DTNB: variants seen among roughly 807,000 people sequenced by gnomAD.
The protein encoded by DTNB is dystrobrevin beta, also known as DTN-B.
DTNB carries 63 observed loss-of-function variants against 90.7 expected under a neutral mutation model. That is an observed-to-expected ratio of 0.69 (90% confidence interval 0.57 to 0.86). The LOEUF is 0.86. Among genes scored for constraint, DTNB ranks in the 40% least tolerant of loss-of-function variants. The pLI is 0.00. For missense variants in DTNB, 744 were observed against 807.1 expected (o/e 0.92, Z 0.95); for synonymous variants, 277 against 286.7 (o/e 0.97, Z 0.34).
At chr2:25,575,661 A>T (rs1476968491) in intron 8 of DTNB, among the ~76,000 whole-genome samples, 1 of 152,218 alleles carries the variant, frequency 6.6e-6, no homozygotes, top group Non-Finnish European at 1.5e-5. Context: ...GTTTTAAGAC[A>T]ACCAAAGGGA....
At chr2:25,615,419 C>G (rs2070036692) in intron 4 of DTNB, among the ~76,000 whole-genome samples, 3 of 152,188 alleles carry the variant, frequency 2.0e-5, no homozygotes. Context: ...AAAGTCCCAA[C>G]TCTCTAATCA....
rs544642390 is a variant in DTNB, at chr2:25,404,918, G to A, written c.1575+14597C>T. 1.4e-3 allele frequency among the ~76,000 whole-genome samples: 214 copies of A among 152,096 alleles called. 1 individual carries two copies. The highest frequency in any genetic ancestry group is 4.6e-3 in the African/African-American group (190 of 41,476). ...ACACAACCCGTGGAAAATCCAACTC[G>A]CCACCATTATTATTTTTTTTGTTTC... On this transcript the variant is annotated intron_variant, in intron 16 of 20. Transcript: ENST00000406818.
At chr2:25,428,582 G>A (rs776736397) in intron 14 of DTNB, among the ~76,000 whole-genome samples, 3 of 151,688 alleles carry the variant, frequency 2.0e-5, no homozygotes, top group Non-Finnish European at 2.9e-5. Flanking sequence ...TACAGGCATC[G>A]CCACCATGCC....
intron 16 of DTNB, among the ~76,000 whole-genome samples, chr2:25,414,046 T>C (rs1243290453): frequency 3.9e-5 from 6 of 152,268 alleles, no homozygotes; most frequent in Admixed American, 3.9e-4. Flanking sequence ...ACGAGCATTT[T>C]TTCATGTATC....
rs1573545641 is a variant in DTNB at position 25,377,427 on chromosome 2, T to C, written c.*156A>G. ...CTCTGGCTCCCCTCTCCCTGGCGGG[T>C]GGAGTGACGTCTGGCAGCCTGCAAG... is the stretch of plus-strand genomic sequence containing the variant. On this transcript the variant is annotated 3_prime_UTR_variant, in exon 21 of 21. Transcript: ENST00000406818. 6.5e-6 allele frequency: 1 copy of C among 152,690 alleles called. No individual in the cohort carries two copies. 9.5% of individuals were successfully genotyped at this position (152,690 alleles called of 1,614,324 possible).
At chr2:25,427,391 A>G (rs2149891623) in intron 15 of DTNB, 144 bp downstream of exon 15, 2 of 696,416 alleles carry the variant, frequency 2.9e-6, no homozygotes, top group East Asian at 6.1e-5. Flanking sequence ...TTTATACCCA[A>G]TTAGGCTAAA....
intron 16 of DTNB, 43 bp downstream of exon 16, chr2:25,419,449 TATATGAGGAAAGGAAGAACGTGC>T (rs1312347485): frequency 6.4e-7 from 1 of 1,551,172 alleles, no homozygotes; most frequent in Non-Finnish European, 8.7e-7. Flanking sequence ...GAGAAACATT[TATATGAGGAAAGGAAGAACGTGC>T]AAAGGAGCGA....
At chr2:25,633,288 C>G (rs1164364671) in intron 3 of DTNB, among the ~76,000 whole-genome samples, 3 of 152,232 alleles carry the variant, frequency 2.0e-5, no homozygotes, top group Admixed American at 1.3e-4. Flanking sequence ...CTCAGCCTGC[C>G]CAGCGCCTGC....
intron 9 of DTNB, among the ~76,000 whole-genome samples, chr2:25,507,410 C>A (rs2072730547): frequency 6.6e-6 from 1 of 152,176 alleles, no homozygotes; most frequent in South Asian, 2.1e-4. Flanking sequence ...TCAAAAAGGA[C>A]TCAACACATC....
chr2:25,484,072 C>T (rs1171026531), intron 9 of DTNB, among the ~76,000 whole-genome samples: 1 of 152,114 alleles, frequency 6.6e-6, no homozygotes, highest in Non-Finnish European at 1.5e-5. Context: ...ACCTAGGCTA[C>T]ACCATATAGC....
intron 15 of DTNB, among the ~76,000 whole-genome samples, chr2:25,426,170 A>G (rs961879289): frequency 6.6e-6 from 1 of 152,198 alleles, no homozygotes; most frequent in Non-Finnish European, 1.5e-5. Flanking sequence ...GGTTATTTTT[A>G]TGTGTCAACT....
At chr2:25,645,521 C>T (rs2079246891) in intron 2 of DTNB, among the ~76,000 whole-genome samples, 2 of 152,084 alleles carry the variant, frequency 1.3e-5, no homozygotes, top group African/African-American at 2.4e-5. Context: ...CTCACTGTAA[C>T]GTTGACTTCC....
At chr2:25,498,245 C>T (rs1172433295) in intron 9 of DTNB, among the ~76,000 whole-genome samples, 2 of 152,090 alleles carry the variant, frequency 1.3e-5, no homozygotes, top group East Asian at 1.9e-4. Context: ...CCTCAGTGCC[C>T]GGGAAATAAT....
At chr2:25,537,897 A>G (rs1276344420) in intron 8 of DTNB, among the ~76,000 whole-genome samples, 1 of 152,200 alleles carries the variant, frequency 6.6e-6, no homozygotes. Flanking sequence ...CTCCTATATC[A>G]GAGATGCTCT....
chr2:25,650,686 C>T (rs1357947339), intron 2 of DTNB, among the ~76,000 whole-genome samples: 1 of 152,192 alleles, frequency 6.6e-6, no homozygotes, highest in Non-Finnish European at 1.5e-5. Context: ...TTAGGCCAGG[C>T]ACAGTGGCTC....
At chr2:25,616,954 G>GA (rs900643862) in intron 4 of DTNB, among the ~76,000 whole-genome samples, 7 of 97,452 alleles carry the variant, frequency 7.2e-5, no homozygotes, top group South Asian at 3.3e-4. Context: ...AAAAAAAAAG[G>GA]AAAAAAAAGA....
intron 6 of DTNB, among the ~76,000 whole-genome samples, chr2:25,588,829 A>G (rs559360820): frequency 6.6e-6 from 1 of 152,350 alleles, no homozygotes; most frequent in Non-Finnish European, 1.5e-5. Context: ...CATTGGCTAT[A>G]TATCTCAACA....
intron 6 of DTNB, among the ~76,000 whole-genome samples, chr2:25,589,426 G>A: frequency 7.8e-6 from 1 of 127,444 alleles, no homozygotes; most frequent in African/African-American, 3.1e-5. Context: ...TGTCGCCCAG[G>A]CTGGAGTGCT....
chr2:25,649,244 A>AC (rs1328170669), intron 2 of DTNB, among the ~76,000 whole-genome samples: 2 of 151,332 alleles, frequency 1.3e-5, no homozygotes, highest in South Asian at 4.2e-4. Flanking sequence ...TGATCTCACG[A>AC]CCCGCCTGCC....
Sources: allele counts gnomAD v4.1 joint callset (sites outside exome capture counted in the v4.1 genomes callset), GRCh38; gene constraint gnomAD v4.1.1; transcripts MANE v1.5; gene names NCBI Gene and HGNC (gene_info 2026-07-23, HGNC 2026-07-21).